Variants in NHSL1 observed in about 807,000 individuals in gnomAD.
NHSL1 encodes NHS-like protein 1.
A neutral mutation model predicts 95.0 loss-of-function variants in NHSL1; 48 were observed. That is an observed-to-expected ratio of 0.51 (90% confidence interval 0.40 to 0.64). The LOEUF (loss-of-function observed/expected upper bound fraction) is 0.64, where lower values mean the gene tolerates loss of function less well. Ranked by LOEUF, NHSL1 falls within the 30% of genes least tolerant of loss-of-function variation. The pLI, the probability that NHSL1 is intolerant of heterozygous loss-of-function variation, is 0.00. For missense variants in NHSL1, 1,971 were observed against 2,077.7 expected, an observed-to-expected ratio of 0.95 and a Z score of 1.00; for synonymous variants, 783 against 833.9, an observed-to-expected ratio of 0.94 and a Z score of 1.05.
intron 1 of NHSL1, among the ~76,000 whole-genome samples, chr6:138,643,086 T>C (rs996117421): frequency 6.6e-6 from 1 of 152,190 alleles, no homozygotes; most frequent in Admixed American, 6.5e-5. Flanking sequence ...ATCAAGCCAA[T>C]ACGATAGATA....
intron 1 of NHSL1, among the ~76,000 whole-genome samples, chr6:138,522,229 C>A (rs1263894802): frequency 1.4e-5 from 2 of 138,148 alleles, no homozygotes; most frequent in African/African-American, 2.8e-5. Flanking sequence ...AATGGATGGC[C>A]CCTGAAGGAC....
At chr6:138,690,549 T>C (rs1277024301) in intron 1 of NHSL1, among the ~76,000 whole-genome samples, 1 of 152,152 alleles carries the variant, frequency 6.6e-6, no homozygotes, top group Non-Finnish European at 1.5e-5. Context: ...AAGACCAGCC[T>C]GACAAACATG....
chr6:138,651,552 C>T (rs1785093603), intron 1 of NHSL1, among the ~76,000 whole-genome samples: 1 of 152,208 alleles, frequency 6.6e-6, no homozygotes, highest in South Asian at 2.1e-4. Flanking sequence ...CCAGATGTAG[C>T]AGCAGCTTCT....
rs1774983270 is a variant in NHSL1 at position 138,422,511 on chromosome 6, A to T, written c.*1570T>A. 6.6e-6 allele frequency: 1 copy of T among 152,228 alleles called. No homozygotes were observed. The allele number at this position is 152,228 out of a possible 1,614,324, so 9.4% of individuals were successfully genotyped here. On this transcript the variant is annotated 3_prime_UTR_variant, in exon 8 of 8. Transcript: ENST00000343505. ...ATTTCCATACCCCCCAAAAGCTGGCAGGTGGTAGTCGCACTAGATTCAGAC... is the reference window on the plus strand; with the variant it reads ...ATTTCCATACCCCCCAAAAGCTGGCTGGTGGTAGTCGCACTAGATTCAGAC...
chr6:138,590,800 C>T (rs2114522838), intron 1 of NHSL1, among the ~76,000 whole-genome samples: 1 of 152,300 alleles, frequency 6.6e-6, no homozygotes, highest in South Asian at 2.1e-4. Flanking sequence ...CTCACCTGTC[C>T]ATCAGTGATA....
intron 1 of NHSL1, among the ~76,000 whole-genome samples, chr6:138,690,384 A>C (rs1189256414): frequency 6.6e-6 from 1 of 152,100 alleles, no homozygotes; most frequent in Non-Finnish European, 1.5e-5. Flanking sequence ...TCTTCTCTAC[A>C]TGTACATTTA....
At chr6:138,604,106 A>T (rs951669044) in intron 1 of NHSL1, among the ~76,000 whole-genome samples, 1 of 152,218 alleles carries the variant, frequency 6.6e-6, no homozygotes, top group African/African-American at 2.4e-5. Flanking sequence ...TGAGTTGACC[A>T]CCCAGAGCTA....
Position 138,431,784 on chromosome 6 carries a change from C to G in NHSL1, c.2561G>C (p.Ser854Thr). The G allele has an allele frequency of 6.4e-7, 1 of 1,551,608 alleles. No individual in the cohort carries two copies. Among genetic ancestry groups the G allele is most frequent in the South Asian group, 1.2e-5 (1 of 84,058 alleles). The change falls in exon 6 of 8, where the codon AGC becomes ACC. Residue 854 changes from serine (S) to threonine (T), a missense_variant. Transcript: ENST00000343505. This position sits in a 1 kb window ranked among gnomAD's most constrained non-coding sequence, Gnocchi z 4.0. ...GAGTGCTGTGGGTGTATTCGACTGG[C>G]TGGAATACCCACTGGATGGAGAAAT... ...RVISPSSGYS[S>T]QSNTPTALTP...
In NHSL1 at chr6:138,652,435, T is replaced by C. The variant is rs560756071; in HGVS notation, c.96+40041A>G. On this transcript the variant is annotated intron_variant, in intron 1 of 3. Coordinates refer to the NHSL1 transcript ENST00000491526. ...AGCCTGGGCAACAAGAGTGAAACTCTATCTCAAAAAAAAAAAAAAAAAATT... is the reference window on the plus strand; with the variant it reads ...AGCCTGGGCAACAAGAGTGAAACTCCATCTCAAAAAAAAAAAAAAAAAATT... Among the ~76,000 whole-genome samples the C allele has an allele frequency of 7.4e-3, 1,036 of 140,812 alleles. 10 individuals are homozygous for C. The highest frequency in any genetic ancestry group is 0.024 in the African/African-American group (899 of 37,226). The allele number at this position is 140,812 out of a possible 152,430, so 92.4% of individuals were successfully genotyped here.
At chr6:138,563,412 C>T (rs535851380) in intron 1 of NHSL1, among the ~76,000 whole-genome samples, 1 of 152,290 alleles carries the variant, frequency 6.6e-6, no homozygotes, top group South Asian at 2.1e-4. Context: ...ATAGGTTCCA[C>T]TTGAGTTGCC....
intron 1 of NHSL1, among the ~76,000 whole-genome samples, chr6:138,618,291 A>T (rs934981076): frequency 1.3e-5 from 2 of 152,204 alleles, no homozygotes; most frequent in Non-Finnish European, 2.9e-5. Flanking sequence ...TAGGACAAGA[A>T]TGATGCACAG....
chr6:138,640,529 TTTA>T (rs1784945983), intron 1 of NHSL1, among the ~76,000 whole-genome samples: 1 of 152,162 alleles, frequency 6.6e-6, no homozygotes, highest in Non-Finnish European at 1.5e-5. Context: ...GATGAAAAGC[TTTA>T]TGATGATCCA....
At chr6:138,518,121 T>C (rs569400509) in intron 1 of NHSL1, among the ~76,000 whole-genome samples, 2 of 152,324 alleles carry the variant, frequency 1.3e-5, no homozygotes, top group East Asian at 3.9e-4. Context: ...ATTACTAATA[T>C]AGGTTCCAAA....
intron 1 of NHSL1, among the ~76,000 whole-genome samples, chr6:138,623,417 T>TTA (rs1784692658): frequency 6.6e-6 from 1 of 152,192 alleles, no homozygotes; most frequent in East Asian, 1.9e-4. Context: ...TTCATAAAAG[T>TTA]TATATATATT....
At position 138,475,455 on chromosome 6, in the gene NHSL1, T is replaced by C. The variant is rs374480512; in HGVS notation, c.212-2022A>G. Among the ~76,000 whole-genome samples, 94 of 152,222 alleles carry C rather than the reference T, an allele frequency of 6.2e-4. No homozygotes were observed. In the East Asian group the frequency reaches 0.016, roughly 26 times the overall value. The stretch of plus-strand genomic sequence containing the variant: ...GTTACCTAGGCTGGTCTTAAACTCC[T>C]GGACTCAAGCGATCCTTCCACCTTG... On this transcript the variant is annotated intron_variant, in intron 2 of 7. Transcript: ENST00000343505.
intron 2 of NHSL1, among the ~76,000 whole-genome samples, chr6:138,474,346 G>A (rs955538582): frequency 1.3e-5 from 2 of 152,136 alleles, no homozygotes; most frequent in Non-Finnish European, 2.9e-5. Context: ...TGCACCTACA[G>A]GCACAGAACT....
intron 5 of NHSL1, among the ~76,000 whole-genome samples, chr6:138,436,138 A>G (rs1776084611): frequency 6.6e-6 from 1 of 152,200 alleles, no homozygotes; most frequent in African/African-American, 2.4e-5. Context: ...AGCGAAAGGA[A>G]GAGTTGCATG....
intron 1 of NHSL1, among the ~76,000 whole-genome samples, chr6:138,516,811 T>A (rs1380727249): frequency 1.3e-5 from 2 of 151,908 alleles, no homozygotes; most frequent in Non-Finnish European, 2.9e-5. Flanking sequence ...ATCTTTGTAT[T>A]TTTTTTAGAG....
chr6:138,516,006 A>G (rs1781444884), intron 1 of NHSL1, among the ~76,000 whole-genome samples: 1 of 152,224 alleles, frequency 6.6e-6, no homozygotes, highest in African/African-American at 2.4e-5. Context: ...GTTGGAAACC[A>G]CATTTCCCAG....
Sources: gnomAD v4.1 joint callset for allele counts (sites outside exome capture counted in the v4.1 genomes callset) on GRCh38, gnomAD v4.1.1 for gene constraint, Gnocchi (gnomAD v3.1) non-coding constraint, MANE v1.5 for transcripts, NCBI Gene and HGNC (gene_info 2026-07-23, HGNC 2026-07-21) for gene names.